The following ERBB4 variants were observed in gnomAD, a reference collection of about 807,000 sequenced individuals.
ERBB4 encodes the protein erb-b2 receptor tyrosine kinase 4, also known as receptor tyrosine-protein kinase erbB-4.
A neutral mutation model predicts 158.0 loss-of-function variants in ERBB4; 42 were observed. The observed-to-expected ratio is 0.27, with a 90% CI of 0.21 to 0.34. The LOEUF (loss-of-function observed/expected upper bound fraction) is 0.34, where lower values mean the gene tolerates loss of function less well. Among genes scored for constraint, ERBB4 ranks in the 10% least tolerant of loss-of-function variants. ERBB4 has a pLI of 1.00. For missense variants in ERBB4, 1,333 were observed against 1,624.1 expected, an observed-to-expected ratio of 0.82 and a Z score of 3.08; for synonymous variants, 583 against 558.7, an observed-to-expected ratio of 1.04 and a Z score of -0.61.
At chr2:211,780,097 C>A (rs554103530) in intron 4 of ERBB4, among the ~76,000 whole-genome samples, 3 of 152,196 alleles carry the variant, frequency 2.0e-5, no homozygotes, top group Non-Finnish European at 4.4e-5. Context: ...CGCAGTGGCT[C>A]ATGCCTGTAA....
chr2:211,638,837 T>C (rs1478385243), intron 16 of ERBB4, among the ~76,000 whole-genome samples: 1 of 152,158 alleles, frequency 6.6e-6, no homozygotes, highest in Non-Finnish European at 1.5e-5. Flanking sequence ...AGAGCAAACC[T>C]TCCTTCTCTT....
At chr2:212,369,897 C>T (rs2090026754) in intron 1 of ERBB4, among the ~76,000 whole-genome samples, 3 of 152,142 alleles carry the variant, frequency 2.0e-5, no homozygotes, top group South Asian at 4.1e-4. Flanking sequence ...ATCTCTTTTG[C>T]TTCACGTCTT....
chr2:212,220,515 A>G (rs2083260104), intron 1 of ERBB4, among the ~76,000 whole-genome samples: 1 of 151,458 alleles, frequency 6.6e-6, no homozygotes, highest in Admixed American at 6.6e-5. Flanking sequence ...GAATAGGAAT[A>G]TAGCATTCTC....
At chr2:212,294,499 T>C (rs919716615) in intron 1 of ERBB4, among the ~76,000 whole-genome samples, 1 of 152,008 alleles carries the variant, frequency 6.6e-6, no homozygotes, top group African/African-American at 2.4e-5. Flanking sequence ...ACTGAAATTA[T>C]ATATACAAAA....
At position 211,679,101 on chromosome 2, in the gene ERBB4, G is replaced by A. The variant is rs775988789; in HGVS notation, c.1573C>T (p.Arg525Cys). The change falls in exon 13 of 28, where the codon CGC (arginine) becomes TGC (cysteine). Residue 525 changes from arginine to cysteine, a missense_variant. Physicochemically the swap from Arg to Cys is radical, Grantham distance 180 (BLOSUM62 -3). Transcript: ENST00000342788. ...PGPDQCLSCR[R>C]FSRGRICIES... ...ATGCAGATCCTTCCTCTACTGAAGC[G>A]GCGACACGACAGACATTGGTCTGGC... 32 of 1,613,464 alleles carry A rather than the reference G, an allele frequency of 2.0e-5. No individual in the cohort carries two copies. Among genetic ancestry groups the A allele is most frequent in the East Asian group, 2.2e-5 (1 of 44,860 alleles).
At chr2:212,143,950 C>G (rs867505844) in intron 1 of ERBB4, among the ~76,000 whole-genome samples, 1 of 151,280 alleles carries the variant, frequency 6.6e-6, no homozygotes, top group African/African-American at 2.4e-5. Flanking sequence ...ACCCAGGTGG[C>G]AGAGTTTGCA....
intron 1 of ERBB4, among the ~76,000 whole-genome samples, chr2:212,196,484 GA>G (rs1241024996): frequency 2.6e-5 from 4 of 151,904 alleles, no homozygotes; most frequent in Non-Finnish European, 5.9e-5. Flanking sequence ...TAATTTTATA[GA>G]AAAAAATTCA....
At chr2:212,215,952 G>A (rs2083085046) in intron 1 of ERBB4, among the ~76,000 whole-genome samples, 2 of 151,352 alleles carry the variant, frequency 1.3e-5, no homozygotes, top group South Asian at 4.1e-4. Flanking sequence ...TGTAGCACTG[G>A]TAATAAACCC....
intron 2 of ERBB4, among the ~76,000 whole-genome samples, chr2:211,964,840 GA>G (rs2125184603): frequency 6.6e-6 from 1 of 152,088 alleles, no homozygotes; most frequent in East Asian, 1.9e-4. Context: ...GAAAACACTA[GA>G]AATACTATTT....
chr2:211,659,376 A>T (rs1007209329), intron 15 of ERBB4, among the ~76,000 whole-genome samples: 9 of 152,208 alleles, frequency 5.9e-5, no homozygotes, highest in Middle Eastern at 6.8e-3. Flanking sequence ...TATTATATAT[A>T]ATCTATAGTC....
chr2:212,432,900 C>T (rs1386010062), intron 1 of ERBB4, among the ~76,000 whole-genome samples: 1 of 152,018 alleles, frequency 6.6e-6, no homozygotes, highest in African/African-American at 2.4e-5. Context: ...CAGCCACAAA[C>T]TCTGGAATCA....
chr2:211,984,076 A>G (rs546960072), intron 2 of ERBB4, among the ~76,000 whole-genome samples: 1 of 152,284 alleles, frequency 6.6e-6, no homozygotes, highest in East Asian at 1.9e-4. Flanking sequence ...AGAAAATCCA[A>G]ATCCAAGATC....
chr2:211,512,041 AATT>A (rs750974849), intron 20 of ERBB4, among the ~76,000 whole-genome samples: 12 of 152,122 alleles, frequency 7.9e-5, no homozygotes, highest in Non-Finnish European at 1.5e-4. Context: ...TTAATTTTAA[AATT>A]ATTGTTTAAA....
intron 7 of ERBB4, among the ~76,000 whole-genome samples, 164 bp from the exon 8 acceptor site, chr2:211,713,812 G>C (rs1025118120): frequency 1.3e-5 from 2 of 152,098 alleles, no homozygotes; most frequent in African/African-American, 4.8e-5. Context: ...ACCTGAAATT[G>C]TATTTCCAGT....
chr2:211,695,139 T>C (rs1451280636), intron 12 of ERBB4, among the ~76,000 whole-genome samples: 1 of 152,172 alleles, frequency 6.6e-6, no homozygotes, highest in Non-Finnish European at 1.5e-5. Context: ...AAGCAAACAC[T>C]GTTTTATTCT....
intron 2 of ERBB4, among the ~76,000 whole-genome samples, chr2:211,962,842 T>A (rs1400284287): frequency 6.6e-6 from 1 of 152,086 alleles, no homozygotes; most frequent in Non-Finnish European, 1.5e-5. Flanking sequence ...TTGATGGCGC[T>A]TTAAAAAAAC....
At chr2:211,724,228 C>T (rs755010286) in intron 6 of ERBB4, among the ~76,000 whole-genome samples, 32 of 151,910 alleles carry the variant, frequency 2.1e-4, no homozygotes, top group Admixed American at 5.9e-4. Context: ...ATTTTTGTTT[C>T]ACTATAGAAT....
chr2:212,516,402 A>G (rs1691844966), intron 1 of ERBB4, among the ~76,000 whole-genome samples: 1 of 152,076 alleles, frequency 6.6e-6, no homozygotes, highest in South Asian at 2.1e-4. Context: ...TGTATGGAGT[A>G]ATTCTTTGGG....
At chr2:211,758,705 C>T (rs916265335) in intron 4 of ERBB4, among the ~76,000 whole-genome samples, 1 of 152,240 alleles carries the variant, frequency 6.6e-6, no homozygotes, top group Non-Finnish European at 1.5e-5. Context: ...TATGAGCTTG[C>T]CAGAGCCACC....
Sources: allele counts gnomAD v4.1 joint callset (sites outside exome capture counted in the v4.1 genomes callset), GRCh38; gene constraint gnomAD v4.1.1; transcripts MANE v1.5; gene names NCBI Gene and HGNC (gene_info 2026-07-23, HGNC 2026-07-21).